MAN2A1: variants seen among roughly 807,000 people sequenced by gnomAD.
MAN2A1 encodes the protein mannosidase alpha class 2A member 1, also known as alpha-mannosidase 2.
MAN2A1 carries 76 observed loss-of-function variants against 142.6 expected under a neutral mutation model. That is an observed-to-expected ratio of 0.53 (90% CI 0.44 to 0.65). MAN2A1 has a LOEUF of 0.65. MAN2A1 is among the 30% of genes least tolerant of loss of function. The pLI is 0.00. For synonymous variants in MAN2A1, 559 were observed against 473.2 expected (o/e 1.18, Z -2.35); for missense variants, 1,311 against 1,365.1 (o/e 0.96, Z 0.62).
chr5:109,733,926 C>A (rs1316661350), intron 4 of MAN2A1, among the ~76,000 whole-genome samples: 1 of 152,006 alleles, frequency 6.6e-6, no homozygotes, highest in Non-Finnish European at 1.5e-5. Context: ...GGAATAGTTT[C>A]AGAAGGAATG....
At chr5:109,753,627 T>C (rs1752604764) in intron 4 of MAN2A1, among the ~76,000 whole-genome samples, 1 of 152,228 alleles carries the variant, frequency 6.6e-6, no homozygotes, top group African/African-American at 2.4e-5. Flanking sequence ...TTACTGGTTA[T>C]ATGATCATGC....
chr5:109,752,270 A>T (rs181407239), intron 4 of MAN2A1, among the ~76,000 whole-genome samples: 1 of 152,186 alleles, frequency 6.6e-6, no homozygotes, highest in South Asian at 2.1e-4. Flanking sequence ...TTGAAACTTC[A>T]TTCTGACTGA....
intron 5 of MAN2A1, among the ~76,000 whole-genome samples, chr5:109,761,570 G>A (rs1327846855): frequency 6.6e-6 from 1 of 151,892 alleles, no homozygotes; most frequent in African/African-American, 2.4e-5. Flanking sequence ...TGGTACTATT[G>A]AATTTAATTT....
rs189185509 is a variant in MAN2A1, at chr5:109,833,172, C to T, written c.2567-9156C>T. 7.9e-3 allele frequency among the ~76,000 whole-genome samples: 1,201 copies of T among 151,688 alleles called. 16 individuals carry two copies. Among genetic ancestry groups the T allele is most frequent in the African/African-American group, 0.028 (1,138 of 41,362 alleles). On this transcript the variant is annotated intron_variant, in intron 16 of 21. Coordinates refer to ENST00000261483, the MANE Select transcript of MAN2A1 (RefSeq NM_002372.4). ...GGGATGGCGGCTGGGAAGAGACGCT[C>T]CTCACTTCCCAGACTGGGCGGCCGG...
Position 109,811,967 on chromosome 5 carries a change from A to G in MAN2A1, c.1944-5306A>G, listed in dbSNP as rs528857375. Among the ~76,000 whole-genome samples, 4 of 152,190 alleles carry G rather than the reference A, an allele frequency of 2.6e-5. 1 individual carries two copies. The South Asian group carries it at 8.3e-4, about 32-fold the overall frequency. On this transcript the variant is annotated intron_variant, in intron 12 of 21. Coordinates refer to ENST00000261483, the MANE Select transcript of MAN2A1 (RefSeq NM_002372.4). Reference sequence around the variant, plus strand: ...ATTTAGATTTATACATGCCTTACACAAAAAAAGGATTTATGACAGCTCATT... The same window carrying G: ...ATTTAGATTTATACATGCCTTACACGAAAAAAGGATTTATGACAGCTCATT...
chr5:109,735,798 C>G (rs1277482756), intron 4 of MAN2A1, among the ~76,000 whole-genome samples: 1 of 146,702 alleles, frequency 6.8e-6, no homozygotes, highest in Non-Finnish European at 1.5e-5. Flanking sequence ...AAAAAGTAAT[C>G]TTTTTGGATT....
At chr5:109,693,382 T>G (rs1298942700) in intron 1 of MAN2A1, among the ~76,000 whole-genome samples, 1 of 151,944 alleles carries the variant, frequency 6.6e-6, no homozygotes, top group Non-Finnish European at 1.5e-5. Flanking sequence ...TCTTGAGTTT[T>G]AGTAGAGCCA....
rs565358062 is a variant in MAN2A1 at position 109,821,200 on chromosome 5, C to T, written c.2451+858C>T. On this transcript the variant is annotated intron_variant, in intron 15 of 21. Transcript: ENST00000261483. ...TATTTTATGCATATCCTTTTCTCCC[C>T]GTTCTCAAGTCTTGACTTATTGCAT... is the stretch of plus-strand genomic sequence containing the variant. Among the ~76,000 whole-genome samples, 4 of 152,250 alleles carry T rather than the reference C, an allele frequency of 2.6e-5. No individual in the cohort carries two copies. In the South Asian group the frequency reaches 6.2e-4, roughly 24 times the overall value.
chr5:109,741,297 A>C (rs1392481345), intron 4 of MAN2A1, among the ~76,000 whole-genome samples: 1 of 152,170 alleles, frequency 6.6e-6, no homozygotes, highest in Non-Finnish European at 1.5e-5. Flanking sequence ...TTATTCACTT[A>C]TTACATTTGT....
At chr5:109,826,817 A>G (rs1754772228) in intron 16 of MAN2A1, among the ~76,000 whole-genome samples, 2 of 152,372 alleles carry the variant, frequency 1.3e-5, no homozygotes, top group Non-Finnish European at 2.9e-5. Context: ...TTCCTTATTA[A>G]GAAATACTGG....
rs140457325 is a variant in MAN2A1 at position 109,861,840 on chromosome 5, A to G, written c.3172-3196A>G. On this transcript the variant is annotated intron_variant, in intron 20 of 21. Coordinates refer to ENST00000261483, the MANE Select transcript of MAN2A1 (RefSeq NM_002372.4). Reference sequence around the variant, plus strand: ...TTCTTGTGTCTTCAGTAATAATAGGACACCTACAGAGGATATCCCATCCAT... The same window carrying G: ...TTCTTGTGTCTTCAGTAATAATAGGGCACCTACAGAGGATATCCCATCCAT... Among the ~76,000 whole-genome samples the G allele has an allele frequency of 7.1e-3, 1,086 of 152,294 alleles. 10 individuals carry two copies. Among genetic ancestry groups the G allele is most frequent in the Admixed American group, 0.026 (399 of 15,300 alleles).
intron 3 of MAN2A1, among the ~76,000 whole-genome samples, chr5:109,725,430 A>G (rs781380595): frequency 6.6e-6 from 1 of 152,180 alleles, no homozygotes; most frequent in Non-Finnish European, 1.5e-5. Context: ...CCTCTTGGCC[A>G]CTGTTTAGGC....
At chr5:109,719,138 T>G (rs1346324343) in intron 3 of MAN2A1, among the ~76,000 whole-genome samples, 1 of 152,188 alleles carries the variant, frequency 6.6e-6, no homozygotes, top group African/African-American at 2.4e-5. Flanking sequence ...ATCTTCTGAG[T>G]AGACATCCCT....
intron 20 of MAN2A1, among the ~76,000 whole-genome samples, chr5:109,862,056 A>G (rs1297361555): frequency 6.6e-6 from 1 of 152,232 alleles, no homozygotes; most frequent in African/African-American, 2.4e-5. Flanking sequence ...CATTCTGTAC[A>G]GGATATGGCA....
Position 109,808,428 on chromosome 5 carries a change from A to T in MAN2A1, c.1944-8845A>T, listed in dbSNP as rs144480639. 6.6e-3 allele frequency among the ~76,000 whole-genome samples: 1,000 copies of T among 152,182 alleles called. 15 individuals are homozygous for T. The highest frequency in any genetic ancestry group is 0.022 in the African/African-American group (934 of 41,562). On this transcript the variant is annotated intron_variant, in intron 12 of 21. Transcript: ENST00000261483. ...TATATATTTTTATATTTCACTGCTTATTCTTTGTATATAATTCAGAATATT... is the reference window on the plus strand; with the variant it reads ...TATATATTTTTATATTTCACTGCTTTTTCTTTGTATATAATTCAGAATATT...
chr5:109,739,990 T>G (rs1752220681), intron 4 of MAN2A1, among the ~76,000 whole-genome samples: 1 of 152,218 alleles, frequency 6.6e-6, no homozygotes, highest in Non-Finnish European at 1.5e-5. Context: ...CACAGCACCT[T>G]GCATTTGCAA....
chr5:109,784,141 C>T (rs948829924), intron 9 of MAN2A1, among the ~76,000 whole-genome samples: 53 of 152,210 alleles, frequency 3.5e-4, no homozygotes, highest in Middle Eastern at 3.4e-3. Flanking sequence ...GCCACCATGC[C>T]CAGCCGACAT....
At chr5:109,847,627 G>T (rs1755374713) in intron 18 of MAN2A1, 30 bp from the exon 19 acceptor site, 12 of 1,470,596 alleles carry the variant, frequency 8.2e-6, no homozygotes, top group South Asian at 1.4e-5. Flanking sequence ...ATTCTGGTCA[G>T]TTTTGCTTGT....
intron 8 of MAN2A1, among the ~76,000 whole-genome samples, chr5:109,780,531 TG>T (rs1753427942): frequency 6.6e-6 from 1 of 151,448 alleles, no homozygotes; most frequent in African/African-American, 2.4e-5. Flanking sequence ...TGTGTGTGTG[TG>T]TGTGTGTGTG....
Sources: gnomAD v4.1 joint callset for allele counts (sites outside exome capture counted in the v4.1 genomes callset) on GRCh38, gnomAD v4.1.1 for gene constraint, MANE v1.5 for transcripts, NCBI Gene and HGNC (gene_info 2026-07-23, HGNC 2026-07-21) for gene names.